The following SDK1 variants were observed in gnomAD, a reference collection of about 807,000 sequenced individuals.
SDK1 encodes the protein sidekick cell adhesion molecule 1, also known as protein sidekick-1.
Under a neutral mutation model 245.5 loss-of-function variants are expected in SDK1, and 157 were observed. The ratio of observed to expected loss-of-function variants is 0.64; its 90% confidence interval spans 0.56 to 0.73. SDK1 has a LOEUF of 0.73. Among genes scored for constraint, SDK1 ranks in the 30% least tolerant of loss-of-function variants. The pLI, the probability that SDK1 is intolerant of heterozygous loss-of-function variation, is 0.00. For synonymous variants in SDK1, 1,647 were observed against 1,278.5 expected, an observed-to-expected ratio of 1.29 and a Z score of -6.15; for missense variants, 3,583 against 3,002.3, an observed-to-expected ratio of 1.19 and a Z score of -4.52.
chr7:3,835,737 C>T (rs992044993), intron 5 of SDK1, among the ~76,000 whole-genome samples: 9 of 152,166 alleles, frequency 5.9e-5, no homozygotes, highest in African/African-American at 2.2e-4. Flanking sequence ...TTGAGGATAT[C>T]ATGATTGAAG....
chr7:3,407,039 G>A (rs563578067), intron 1 of SDK1, among the ~76,000 whole-genome samples: 1 of 152,254 alleles, frequency 6.6e-6, no homozygotes, highest in Admixed American at 6.5e-5. Flanking sequence ...AGAGGAAAGG[G>A]CAGAGATTAT....
chr7:3,318,848 A>G (rs1779726341), intron 1 of SDK1, among the ~76,000 whole-genome samples: 1 of 152,196 alleles, frequency 6.6e-6, no homozygotes, highest in African/African-American at 2.4e-5. Context: ...AATATTGACA[A>G]TCAAATTTAT....
rs373251727 is a variant in SDK1 at position 4,189,254 on chromosome 7, G to T, written c.5098+10668G>T. ...GTTGCTTGTCAAGTCATTCCTGGCAGTTTTATTGCGGCGGTTGCTGTGAGC... is the reference window on the plus strand; with the variant it reads ...GTTGCTTGTCAAGTCATTCCTGGCATTTTTATTGCGGCGGTTGCTGTGAGC... On this transcript the variant is annotated intron_variant, in intron 35 of 44. Coordinates refer to ENST00000404826, the MANE Select transcript of SDK1 (RefSeq NM_152744.4). Among the ~76,000 whole-genome samples the T allele has an allele frequency of 1.5e-4, 23 of 151,854 alleles. 1 individual carries two copies. The highest frequency in any genetic ancestry group is 3.9e-4 in the Admixed American group (6 of 15,286).
At chr7:3,943,866 C>G (rs1296907249) in intron 5 of SDK1, among the ~76,000 whole-genome samples, 1 of 152,176 alleles carries the variant, frequency 6.6e-6, no homozygotes, top group Non-Finnish European at 1.5e-5. Flanking sequence ...CCCTCTGCTG[C>G]GTGTTCTTTA....
chr7:3,781,025 G>T (rs1217322334), intron 4 of SDK1, among the ~76,000 whole-genome samples: 3 of 152,062 alleles, frequency 2.0e-5, no homozygotes, highest in Non-Finnish European at 4.4e-5. Context: ...GGCTAGACCT[G>T]CCTGACCAGG....
intron 28 of SDK1, among the ~76,000 whole-genome samples, chr7:4,145,243 CA>C (rs538525602): frequency 6.6e-6 from 1 of 152,258 alleles, no homozygotes; most frequent in African/African-American, 2.4e-5. Context: ...TGCAGGCAGA[CA>C]GGGAAGACAA....
At chr7:3,474,645 A>G (rs954568252) in intron 1 of SDK1, among the ~76,000 whole-genome samples, 2 of 151,924 alleles carry the variant, frequency 1.3e-5, no homozygotes, top group African/African-American at 4.8e-5. Context: ...TTCCACCTCT[A>G]ATGTCATCAT....
chr7:4,038,871 T>C (rs564500770), intron 17 of SDK1, among the ~76,000 whole-genome samples: 30 of 152,224 alleles, frequency 2.0e-4, no homozygotes, highest in Admixed American at 3.9e-4. Flanking sequence ...ATTTGCCTGA[T>C]GTCATTGCAT....
intron 7 of SDK1, among the ~76,000 whole-genome samples, chr7:3,958,455 T>C (rs1781431803): frequency 6.6e-6 from 1 of 152,224 alleles, no homozygotes; most frequent in Non-Finnish European, 1.5e-5. Context: ...TGGTATTCCA[T>C]TGAAGTATTA....
In SDK1 at chr7:4,145,734, C is replaced by T. The variant is rs773276576; in HGVS notation, c.4241C>T (p.Ala1414Val). Residue 1414 changes from alanine (A) to valine (V), a missense_variant, in exon 29 of 45, where the codon GCC (alanine) becomes GTC (valine). Ala to Val is a moderately conservative substitution (Grantham distance 64, BLOSUM62 0). Coordinates refer to ENST00000404826, the MANE Select transcript of SDK1 (RefSeq NM_152744.4). Reference protein sequence around the residue: ...PNGIILGYQIAYRLASSSPHT... With the variant: ...PNGIILGYQIVYRLASSSPHT... ...CACCTGCCTGCAGGGTACCAGATTG[C>T]CTACCGCCTGGCCAGCAGCAGCCCC... 3.7e-6 allele frequency: 6 copies of T among 1,606,498 alleles called. No homozygotes were observed. The South Asian group carries it at 6.7e-5, about 18-fold the overall frequency.
chr7:3,381,326 T>C (rs1400917325), intron 1 of SDK1, among the ~76,000 whole-genome samples: 1 of 151,790 alleles, frequency 6.6e-6, no homozygotes, highest in Non-Finnish European at 1.5e-5. Flanking sequence ...GCGAGTGAAG[T>C]CCACTAGGAA....
intron 1 of SDK1, among the ~76,000 whole-genome samples, chr7:3,312,501 G>A (rs7799163): frequency 0.19 from 28,333 of 151,676 alleles, 2,661 homozygotes; most frequent in African/African-American, 0.23. Flanking sequence ...GCACAGATTA[G>A]AAAAATAACA....
At chr7:3,621,048 T>A (rs1357386984) in intron 2 of SDK1, among the ~76,000 whole-genome samples, 1 of 152,006 alleles carries the variant, frequency 6.6e-6, no homozygotes, top group Non-Finnish European at 1.5e-5. Flanking sequence ...TCCCCTCCCG[T>A]AAGTGAAAAG....
chr7:4,210,557 A>C lies in SDK1; in HGVS notation c.5539+395A>C, dbSNP rs192040734. Among the ~76,000 whole-genome samples the C allele has an allele frequency of 2.0e-5, 3 of 152,192 alleles. No individual in the cohort carries two copies. In the East Asian group the frequency reaches 5.8e-4, roughly 29 times the overall value. On this transcript the variant is annotated intron_variant, in intron 38 of 44. Coordinates refer to ENST00000404826, the MANE Select transcript of SDK1 (RefSeq NM_152744.4). The stretch of plus-strand genomic sequence containing the variant: ...GTTCCACTTGAAGCCACGCCTCACA[A>C]CACAGGCCTTCGGCTACCCTCAGCA...
At chr7:3,487,523 C>T (rs1429882877) in intron 1 of SDK1, among the ~76,000 whole-genome samples, 2 of 151,972 alleles carry the variant, frequency 1.3e-5, no homozygotes, top group Non-Finnish European at 2.9e-5. Flanking sequence ...AAACAGATCA[C>T]CTGAGCCCAG....
At chr7:4,229,689 T>C (rs1337297529) in intron 40 of SDK1, among the ~76,000 whole-genome samples, 1 of 152,154 alleles carries the variant, frequency 6.6e-6, no homozygotes, top group Non-Finnish European at 1.5e-5. Context: ...TCTGAAGAAA[T>C]CCTTCACTTT....
intron 1 of SDK1, among the ~76,000 whole-genome samples, chr7:3,394,949 A>G (rs1465336601): frequency 6.6e-6 from 1 of 152,052 alleles, no homozygotes; most frequent in Non-Finnish European, 1.5e-5. Flanking sequence ...TCATCTTCAA[A>G]CAAAGACAGT....
At chr7:3,576,433 G>C (rs952511707) in intron 1 of SDK1, among the ~76,000 whole-genome samples, 1 of 152,034 alleles carries the variant, frequency 6.6e-6, no homozygotes, top group South Asian at 2.1e-4. Context: ...GGGAGTCGCA[G>C]GTACACAAAA....
At chr7:4,161,036 C>T (rs575270338) in intron 31 of SDK1, among the ~76,000 whole-genome samples, 25 of 152,332 alleles carry the variant, frequency 1.6e-4, no homozygotes, top group African/African-American at 5.8e-4. Flanking sequence ...CACACTTCTG[C>T]TGGGCCCCCG....
Sources: gnomAD v4.1 joint callset for allele counts (sites outside exome capture counted in the v4.1 genomes callset) on GRCh38, gnomAD v4.1.1 for gene constraint, MANE v1.5 for transcripts, NCBI Gene and HGNC (gene_info 2026-07-23, HGNC 2026-07-21) for gene names.